The following TBC1D19 variants were observed in gnomAD, a reference collection of about 807,000 sequenced individuals.
TBC1D19 encodes TBC1 domain family, member 19.
TBC1D19 carries 60 observed loss-of-function variants against 89.0 expected under a neutral mutation model. The observed-to-expected ratio is 0.67, with a 90% CI of 0.55 to 0.84. The LOEUF is 0.84. Ranked by LOEUF, TBC1D19 falls within the 40% of genes least tolerant of loss-of-function variation. The pLI is 0.00. For synonymous variants in TBC1D19, 189 were observed against 199.7 expected, an observed-to-expected ratio of 0.95 and a Z score of 0.45; for missense variants, 500 against 610.8, an observed-to-expected ratio of 0.82 and a Z score of 1.91.
chr4:26,588,065 G>A (rs906976204), intron 1 of TBC1D19, among the ~76,000 whole-genome samples: 2 of 132,188 alleles, frequency 1.5e-5, no homozygotes, highest in East Asian at 2.1e-4. Context: ...TCGCTTTGTC[G>A]CCCAGGCTGG....
At chr4:26,792,545 G>A in the TBC1D19 span, among the ~76,000 whole-genome samples, 1 of 152,190 alleles carries the variant, frequency 6.6e-6, no homozygotes, top group African/African-American at 2.4e-5. Context: ...GCCTTAAGGT[G>A]GGAAAAGTAT....
the TBC1D19 span, among the ~76,000 whole-genome samples, chr4:26,844,806 G>A: frequency 6.6e-6 from 1 of 152,084 alleles, no homozygotes; most frequent in Non-Finnish European, 1.5e-5. Context: ...AATAACCTAT[G>A]AGAAAGCATG....
intron 7 of TBC1D19, among the ~76,000 whole-genome samples, chr4:26,651,112 A>G (rs1744339168): frequency 6.6e-6 from 1 of 152,116 alleles, no homozygotes; most frequent in African/African-American, 2.4e-5. Context: ...TGTTTTGGTT[A>G]CTGTAGCCTT....
chr4:26,674,903 C>T (rs1015640806), intron 11 of TBC1D19, among the ~76,000 whole-genome samples: 3 of 151,584 alleles, frequency 2.0e-5, no homozygotes, highest in African/African-American at 7.3e-5. Context: ...AAAACTATAC[C>T]TCTAACCCTT....
At chr4:26,793,649 G>C in the TBC1D19 span, among the ~76,000 whole-genome samples, 1 of 150,478 alleles carries the variant, frequency 6.6e-6, no homozygotes, top group Non-Finnish European at 1.5e-5. Flanking sequence ...CTTGAAACCA[G>C]GAAGTGGAGG....
At chr4:26,654,979 C>T (rs1744688654) in intron 7 of TBC1D19, among the ~76,000 whole-genome samples, 1 of 152,130 alleles carries the variant, frequency 6.6e-6, no homozygotes, top group African/African-American at 2.4e-5. Context: ...TTTTTCTGCT[C>T]TGTTTTTTCC....
At chr4:26,721,450 C>G (rs1716972210) in intron 15 of TBC1D19, among the ~76,000 whole-genome samples, 1 of 152,014 alleles carries the variant, frequency 6.6e-6, no homozygotes, top group Non-Finnish European at 1.5e-5. Context: ...GTCTGGAACC[C>G]TCTCTTCCAC....
intron 4 of TBC1D19, among the ~76,000 whole-genome samples, chr4:26,627,258 A>T (rs934645739): frequency 6.6e-6 from 1 of 152,054 alleles, no homozygotes; most frequent in Non-Finnish European, 1.5e-5. Flanking sequence ...CATGGTGTAT[A>T]TGTGCCACAT....
At chr4:26,719,284 C>T (rs904520902) in intron 14 of TBC1D19, among the ~76,000 whole-genome samples, 3 of 151,874 alleles carry the variant, frequency 2.0e-5, no homozygotes, top group African/African-American at 7.3e-5. Flanking sequence ...TTTTTGTTTC[C>T]ACCCTAACCT....
chr4:26,630,714 T>C (rs181121430), intron 4 of TBC1D19, among the ~76,000 whole-genome samples: 2 of 152,178 alleles, frequency 1.3e-5, no homozygotes, highest in Non-Finnish European at 2.9e-5. Flanking sequence ...ATATTTGAGG[T>C]AAATATTTCT....
chr4:26,655,071 T>G, intron 7 of TBC1D19, among the ~76,000 whole-genome samples: 1 of 152,236 alleles, frequency 6.6e-6, no homozygotes, highest in African/African-American at 2.4e-5. Flanking sequence ...TCCTTTTTGT[T>G]TGTTAGTTTT....
At chr4:26,824,254 A>G in the TBC1D19 span, among the ~76,000 whole-genome samples, 1 of 152,260 alleles carries the variant, frequency 6.6e-6, no homozygotes, top group African/African-American at 2.4e-5. Flanking sequence ...TTCTAGCAAC[A>G]GTGCGTGAGG....
intron 11 of TBC1D19, among the ~76,000 whole-genome samples, chr4:26,678,890 T>C (rs981595899): frequency 1.3e-5 from 2 of 152,170 alleles, no homozygotes; most frequent in East Asian, 3.9e-4. Context: ...CCCTTTAGCT[T>C]AGTGATTTGG....
At chr4:26,818,556 T>G in the TBC1D19 span, among the ~76,000 whole-genome samples, 1 of 152,180 alleles carries the variant, frequency 6.6e-6, no homozygotes, top group African/African-American at 2.4e-5. Context: ...GCGGCTGGCC[T>G]CAATGTAAAA....
chr4:26,698,945 A>G (rs1214454847), intron 13 of TBC1D19, among the ~76,000 whole-genome samples: 6 of 152,252 alleles, frequency 3.9e-5, no homozygotes, highest in Admixed American at 6.5e-5. Flanking sequence ...TTCAGGACAT[A>G]GGCATGGGCA....
At chr4:26,661,137 C>G (rs757295789) in intron 8 of TBC1D19, among the ~76,000 whole-genome samples, 2 of 152,104 alleles carry the variant, frequency 1.3e-5, no homozygotes, top group African/African-American at 2.4e-5. Context: ...ACTCAGATGA[C>G]TCCTCCTCCC....
At chr4:26,769,569 G>C in the TBC1D19 span, among the ~76,000 whole-genome samples, 4 of 150,988 alleles carry the variant, frequency 2.6e-5, no homozygotes, top group Admixed American at 1.3e-4. Context: ...TTGAGACAGG[G>C]GCTTGCTCTC....
chr4:26,844,304 A>T, the TBC1D19 span, among the ~76,000 whole-genome samples: 2 of 152,180 alleles, frequency 1.3e-5, no homozygotes, highest in Non-Finnish European at 2.9e-5. Context: ...CCTGTTATGT[A>T]CTCCAGGTTT....
intron 1 of TBC1D19, among the ~76,000 whole-genome samples, chr4:26,593,371 A>G (rs1739961031): frequency 6.6e-6 from 1 of 152,236 alleles, no homozygotes; most frequent in African/African-American, 2.4e-5. Context: ...TGTTAGACCT[A>G]AAAGCATAAA....
Sources: allele counts gnomAD v4.1 joint callset (sites outside exome capture counted in the v4.1 genomes callset), GRCh38; gene constraint gnomAD v4.1.1; transcripts MANE v1.5; gene names NCBI Gene and HGNC (gene_info 2026-07-23, HGNC 2026-07-21).